SLC16A14: variants seen among roughly 807,000 people sequenced by gnomAD.
SLC16A14 encodes solute carrier family 16 member 14, also known as monocarboxylate transporter 14.
In SLC16A14, 14 loss-of-function variants were observed where a neutral mutation model predicts 35.8. That is an observed-to-expected ratio of 0.39 (90% CI 0.26 to 0.61). The LOEUF is 0.61. Ranked by LOEUF, SLC16A14 falls within the 20% of genes least tolerant of loss-of-function variation. SLC16A14 has a pLI of 0.51. For synonymous variants in SLC16A14, 248 were observed against 258.9 expected, an observed-to-expected ratio of 0.96 and a Z score of 0.40; for missense variants, 533 against 655.0, an observed-to-expected ratio of 0.81 and a Z score of 2.03.
chr2:230,055,779 GA>G (rs1411042516), intron 2 of SLC16A14, among the ~76,000 whole-genome samples: 3 of 152,176 alleles, frequency 2.0e-5, no homozygotes, highest in Admixed American at 6.5e-5. Flanking sequence ...GCCTTCTTCT[GA>G]GTCTTTTTTT....
intron 2 of SLC16A14, among the ~76,000 whole-genome samples, chr2:230,053,814 C>T (rs2077681713): frequency 6.6e-6 from 1 of 152,000 alleles, no homozygotes; most frequent in African/African-American, 2.4e-5. Context: ...TGGGGAACAC[C>T]CTCAGGAAGT....
chr2:230,046,075 C>T lies in SLC16A14; in HGVS notation c.1051G>A (p.Asp351Asn). 6.2e-7 allele frequency: 1 copy of T among 1,614,084 alleles called. No homozygotes were observed. The highest frequency in any genetic ancestry group is 8.5e-7 in the Non-Finnish European group (1 of 1,179,986). ...ATAATTGACGTCAGAGGGAAAACGT[C>T]GTTTTGCTCCGATAAGTTATACAAA... ...VNLYNLSEQN[D>N]VFPLTSIIAI... The change falls in exon 4 of 5, where the codon GAC becomes AAC. Residue 351 changes from aspartate (D) to asparagine (N), a missense_variant. By Grantham distance (23) the Asp-to-Asn change is conservative. Transcript: ENST00000295190. The surrounding 1 kb of genome is among the most constrained non-coding windows in gnomAD (Gnocchi z 5.0).
At chr2:230,037,651 TACCA>T in intron 4 of SLC16A14, 120 bp from the exon 5 acceptor site, 2 of 785,990 alleles carry the variant, frequency 2.5e-6, no homozygotes, top group Non-Finnish European at 3.8e-6. Context: ...TGTCATTTCA[TACCA>T]ATAAAATGTT....
chr2:230,051,919 CTT>C (rs2077662699), intron 2 of SLC16A14, among the ~76,000 whole-genome samples: 1 of 150,620 alleles, frequency 6.6e-6, no homozygotes, highest in African/African-American at 2.4e-5. Context: ...TTAGAATAGA[CTT>C]AATATATTAA....
chr2:230,052,858 T>TG (rs956451435), intron 2 of SLC16A14, among the ~76,000 whole-genome samples: 5 of 23,002 alleles, frequency 2.2e-4, no homozygotes, highest in African/African-American at 6.4e-4. Flanking sequence ...ATATGTACAT[T>TG]GAAAAAAAAA....
At chr2:230,062,759 G>A (rs527783745) in intron 1 of SLC16A14, among the ~76,000 whole-genome samples, 1 of 152,330 alleles carries the variant, frequency 6.6e-6, no homozygotes, top group African/African-American at 2.4e-5. Flanking sequence ...AAGGGTACCA[G>A]TGGAGAAGCA....
At chr2:230,055,952 G>T (rs1277485961) in intron 2 of SLC16A14, among the ~76,000 whole-genome samples, 7 of 152,126 alleles carry the variant, frequency 4.6e-5, no homozygotes, top group African/African-American at 1.7e-4. Flanking sequence ...TACAACTGAC[G>T]TAAAACTTGA....
At chr2:230,057,066 CA>C (rs2077711762) in intron 2 of SLC16A14, among the ~76,000 whole-genome samples, 3 of 151,986 alleles carry the variant, frequency 2.0e-5, no homozygotes, top group Admixed American at 2.0e-4. Context: ...TTTATGTTTC[CA>C]GTATAAAATA....
intron 4 of SLC16A14, 130 bp downstream of exon 4, chr2:230,045,615 T>C: frequency 1.0e-6 from 1 of 994,726 alleles, no homozygotes; most frequent in Non-Finnish European, 1.5e-6. Context: ...AATGAGAAAG[T>C]AAAGGGCAGG....
chr2:230,046,059 G>A lies in SLC16A14; in HGVS notation c.1067C>T (p.Thr356Met), dbSNP rs2077603558. 1.2e-6 allele frequency: 2 copies of A among 1,614,140 alleles called. No homozygotes were observed. Among genetic ancestry groups the A allele is most frequent in the African/African-American group, 2.7e-5 (2 of 75,042 alleles). The change falls in exon 4 of 5, where the codon ACG becomes ATG. Residue 356 changes from threonine to methionine, a missense_variant. Thr to Met is a moderately conservative substitution (Grantham distance 81). Transcript: ENST00000295190. The surrounding 1 kb of genome is among the most constrained non-coding windows in gnomAD (Gnocchi z 5.0). The stretch of plus-strand genomic sequence containing the variant: ...GATGTGAACTATTGCTATAATTGAC[G>A]TCAGAGGGAAAACGTCGTTTTGCTC... ...LSEQNDVFPL[T>M]SIIAIVHIFG...
chr2:230,054,691 A>G (rs1159440175), intron 2 of SLC16A14, among the ~76,000 whole-genome samples: 1 of 152,206 alleles, frequency 6.6e-6, no homozygotes, highest in East Asian at 1.9e-4. Flanking sequence ...GATTGAGACC[A>G]GTCTCAGATA....
chr2:230,065,726 A>G (rs2077789984), intron 1 of SLC16A14, among the ~76,000 whole-genome samples: 2 of 152,206 alleles, frequency 1.3e-5, no homozygotes, highest in Non-Finnish European at 2.9e-5. Flanking sequence ...ACAAATGTTT[A>G]TCCCTCCAAC....
chr2:230,063,778 G>A (rs529501018), intron 1 of SLC16A14, among the ~76,000 whole-genome samples: 1 of 152,196 alleles, frequency 6.6e-6, no homozygotes, highest in East Asian at 1.9e-4. Context: ...GTAATTTCCC[G>A]CTTCTTTCTA....
At chr2:230,049,655 AC>A in intron 3 of SLC16A14, 105 bp downstream of exon 3, 5 of 1,232,296 alleles carry the variant, frequency 4.1e-6, no homozygotes, top group South Asian at 3.0e-5. Flanking sequence ...GGGGGAGGAA[AC>A]AGAACAGAAT....
intron 4 of SLC16A14, among the ~76,000 whole-genome samples, chr2:230,040,345 G>A (rs866955081): frequency 6.6e-6 from 1 of 151,852 alleles, no homozygotes. Context: ...TCAGCCTCCC[G>A]AGTAGCTGGG....
chr2:230,053,247 T>C (rs1256012589), intron 2 of SLC16A14, among the ~76,000 whole-genome samples: 2 of 152,230 alleles, frequency 1.3e-5, no homozygotes, highest in East Asian at 3.9e-4. Context: ...TGAGTTTCAT[T>C]TTCTACCCAC....
At chr2:230,044,382 G>A (rs1001483707) in intron 4 of SLC16A14, among the ~76,000 whole-genome samples, 3 of 151,694 alleles carry the variant, frequency 2.0e-5, no homozygotes, top group Non-Finnish European at 2.9e-5. Flanking sequence ...GGAGGCTGAG[G>A]CAGGATAATT....
chr2:230,062,190 G>T (rs1165134275), intron 1 of SLC16A14, among the ~76,000 whole-genome samples: 1 of 151,990 alleles, frequency 6.6e-6, no homozygotes, highest in Non-Finnish European at 1.5e-5. Context: ...ATCCATTCTG[G>T]GTGTCAAAGG....
rs1560469071 is a variant in SLC16A14, at chr2:230,038,640, C to A, written c.1382-1109G>T. ...GATTTAGTGGCCAGGATCAGTGGCT[C>A]ACACCTGTAATCCCAGCACTTTGGG... On this transcript the variant is annotated intron_variant, in intron 4 of 4. Coordinates refer to ENST00000295190, the MANE Select transcript of SLC16A14 (RefSeq NM_152527.5). The surrounding 1 kb of genome is among the most constrained non-coding windows in gnomAD (Gnocchi z 4.4). Among the ~76,000 whole-genome samples the A allele has an allele frequency of 6.6e-6, 1 of 152,130 alleles. No homozygotes were observed. The highest frequency in any genetic ancestry group is 1.5e-5 in the Non-Finnish European group (1 of 68,014).
Sources: allele counts gnomAD v4.1 joint callset (sites outside exome capture counted in the v4.1 genomes callset), GRCh38; gene constraint gnomAD v4.1.1; non-coding constraint Gnocchi (gnomAD v3.1); transcripts MANE v1.5; gene names NCBI Gene and HGNC (gene_info 2026-07-23, HGNC 2026-07-21).